Variants in AQP7B observed in about 807,000 individuals in gnomAD.
AQP7B encodes the protein putative aquaporin-7B.
chr2:94,598,081 C>A, the AQP7B span, among the ~76,000 whole-genome samples: 2 of 152,200 alleles, frequency 1.3e-5, no homozygotes, highest in African/African-American at 4.8e-5. Context: ...GAGAAAAATT[C>A]TTGCTGTGCA....
the AQP7B span, chr2:94,602,624 G>A: frequency 1.9e-6 from 3 of 1,587,332 alleles, no homozygotes; most frequent in Non-Finnish European, 1.7e-6. Context: ...TGGTGAGTGA[G>A]CCCAGGGCCT....
chr2:94,589,970 C>A, the AQP7B span, among the ~76,000 whole-genome samples: 2 of 152,190 alleles, frequency 1.3e-5, no homozygotes, highest in African/African-American at 4.8e-5. Flanking sequence ...CCCTACTCCC[C>A]CATGGCCATG....
the AQP7B span, among the ~76,000 whole-genome samples, chr2:94,594,178 A>G: frequency 6.6e-6 from 1 of 152,208 alleles, no homozygotes; most frequent in Non-Finnish European, 1.5e-5. Context: ...GCACAGCCTC[A>G]TGCATTTTGC....
the AQP7B span, chr2:94,603,199 C>T: frequency 6.8e-4 from 993 of 1,464,862 alleles, 1 homozygote; most frequent in Non-Finnish European, 8.7e-4. Flanking sequence ...TGGGTGTCCA[C>T]CTCTGGCCTC....
At chr2:94,590,645 C>T in the AQP7B span, among the ~76,000 whole-genome samples, 1 of 151,924 alleles carries the variant, frequency 6.6e-6, no homozygotes, top group Non-Finnish European at 1.5e-5. Flanking sequence ...ATAGGTTAGT[C>T]AAAGGGTTAG....
the AQP7B span, chr2:94,604,292 G>A: frequency 2.4e-5 from 39 of 1,602,442 alleles, no homozygotes; most frequent in African/African-American, 4.0e-5. Flanking sequence ...CTGCAGCGAT[G>A]GGGAGAACTG....
At chr2:94,601,946 G>A in the AQP7B span, among the ~76,000 whole-genome samples, 1 of 152,114 alleles carries the variant, frequency 6.6e-6, no homozygotes, top group Admixed American at 6.5e-5. Context: ...TGCCGCCTGA[G>A]GTCAGTGGAA....
chr2:94,603,760 C>T, the AQP7B span: 3 of 1,526,960 alleles, frequency 2.0e-6, no homozygotes, highest in South Asian at 3.7e-5. Context: ...CATCACGGAC[C>T]AGGAGAACAA....
At chr2:94,602,485 C>A in the AQP7B span, 1 of 1,603,056 alleles carries the variant, frequency 6.2e-7, no homozygotes, top group Non-Finnish European at 8.5e-7. Context: ...GAGGCCCTCC[C>A]TTGTAGGTAT....
chr2:94,598,928 G>A, the AQP7B span, among the ~76,000 whole-genome samples: 2 of 152,042 alleles, frequency 1.3e-5, no homozygotes, highest in Non-Finnish European at 2.9e-5. Context: ...TCAGCCTCCC[G>A]AGTAGCTGGG....
chr2:94,602,407 G>A, the AQP7B span: 13 of 1,373,630 alleles, frequency 9.5e-6, no homozygotes, highest in African/African-American at 1.5e-5. Flanking sequence ...GGGCATGGGG[G>A]TGAGGAGCTA....
At chr2:94,590,511 A>G in the AQP7B span, among the ~76,000 whole-genome samples, 1 of 152,080 alleles carries the variant, frequency 6.6e-6, no homozygotes, top group Non-Finnish European at 1.5e-5. Flanking sequence ...TGAATGAAGA[A>G]ATGTTGGTTA....
the AQP7B span, chr2:94,603,315 C>A: frequency 2.0e-3 from 3,092 of 1,510,048 alleles, 9 homozygotes; most frequent in Non-Finnish European, 2.3e-3. Context: ...TAACCTATAA[C>A]CTCATTTCTG....
At chr2:94,588,436 T>A in the AQP7B span, 1 of 606,810 alleles carries the variant, frequency 1.6e-6, no homozygotes, top group Non-Finnish European at 3.0e-6. Flanking sequence ...CAAGGTCTGA[T>A]GGAAGTGTGG....
chr2:94,602,526 TAAATA>T, the AQP7B span: 1 of 1,604,086 alleles, frequency 6.2e-7, no homozygotes, highest in African/African-American at 1.3e-5. Context: ...CATATGGTTC[TAAATA>T]AAACATATGG....
chr2:94,603,484 C>T, the AQP7B span: 20 of 1,610,246 alleles, frequency 1.2e-5, no homozygotes, highest in Middle Eastern at 1.9e-4. Context: ...GACATTGTGG[C>T]GGGGCTTCCT....
At chr2:94,598,870 G>A in the AQP7B span, among the ~76,000 whole-genome samples, 35 of 152,146 alleles carry the variant, frequency 2.3e-4, no homozygotes, top group Non-Finnish European at 4.1e-4. Flanking sequence ...GCAGTGGTGT[G>A]ATCTCAGCTC....
the AQP7B span, chr2:94,602,374 C>T: frequency 8.3e-6 from 9 of 1,085,594 alleles, no homozygotes; most frequent in Non-Finnish European, 1.0e-5. Context: ...AGAGGGTCTT[C>T]CAGGCAATGC....
At chr2:94,593,866 T>G in the AQP7B span, among the ~76,000 whole-genome samples, 1 of 152,116 alleles carries the variant, frequency 6.6e-6, no homozygotes. Context: ...TATATGCAGA[T>G]TTGGGCCCTG....
Sources: allele counts gnomAD v4.1 joint callset (sites outside exome capture counted in the v4.1 genomes callset), GRCh38; gene constraint gnomAD v4.1.1; transcripts MANE v1.5; gene names NCBI Gene and HGNC (gene_info 2026-07-23, HGNC 2026-07-21).